The following BMP6 variants were observed in gnomAD, a reference collection of about 807,000 sequenced individuals.
The protein encoded by BMP6 is VG-1-R.
In BMP6, 17 loss-of-function variants were observed where a neutral mutation model predicts 54.1. The ratio of observed to expected loss-of-function variants is 0.31; its 90% CI spans 0.22 to 0.47. The LOEUF is 0.47. BMP6 is among the 20% of genes least tolerant of loss of function. The pLI is 1.00. For synonymous variants in BMP6, 328 were observed against 291.2 expected, an observed-to-expected ratio of 1.13 and a Z score of -1.28; for missense variants, 720 against 690.4, an observed-to-expected ratio of 1.04 and a Z score of -0.48.
intron 1 of BMP6, among the ~76,000 whole-genome samples, chr6:7,742,357 A>C (rs12214906): frequency 0.4 from 60,546 of 152,098 alleles, 13,051 homozygotes; most frequent in Non-Finnish European, 0.49. Flanking sequence ...TCGAGCTTTC[A>C]TGCATGCAAG....
chr6:7,752,683 G>T (rs1385431501), intron 1 of BMP6, among the ~76,000 whole-genome samples: 1 of 151,964 alleles, frequency 6.6e-6, no homozygotes, highest in Non-Finnish European at 1.5e-5. Flanking sequence ...AGCTTTCTGG[G>T]ATGGGAGGTG....
intron 1 of BMP6, among the ~76,000 whole-genome samples, chr6:7,740,830 A>G (rs183243820): frequency 2.4e-4 from 37 of 152,092 alleles, no homozygotes; most frequent in Non-Finnish European, 1.6e-4. Flanking sequence ...TTTTCCATCT[A>G]TCCCTAAGTT....
intron 4 of BMP6, among the ~76,000 whole-genome samples, chr6:7,875,241 CTCTG>C: frequency 6.6e-6 from 1 of 152,290 alleles, no homozygotes; most frequent in South Asian, 2.1e-4. Flanking sequence ...TTTGCCCTTC[CTCTG>C]TCTTTTTGTT....
chr6:7,752,848 T>A (rs1757447623), intron 1 of BMP6, among the ~76,000 whole-genome samples: 1 of 152,140 alleles, frequency 6.6e-6, no homozygotes, highest in Admixed American at 6.5e-5. Flanking sequence ...TGCTCATGTG[T>A]TTTCCCCCTT....
Position 7,880,459 on chromosome 6 carries a change from A to C in BMP6, c.*116A>C. On this transcript the variant is annotated 3_prime_UTR_variant, in exon 7 of 7. Transcript: ENST00000283147. ...GACGATGAGACTTTGAAACTATCTC[A>C]TGCCAGTGCCTTATTACCCAGGAAG... 6 of 1,365,562 alleles carry C rather than the reference A, an allele frequency of 4.4e-6. No individual in the cohort carries two copies. Among genetic ancestry groups the C allele is most frequent in the Non-Finnish European group, 6.1e-6 (6 of 988,028 alleles). 84.6% of individuals were successfully genotyped at this position (1,365,562 alleles called of 1,614,324 possible). A position where few individuals can be genotyped will look rare whatever the true frequency, so the allele number is the denominator to read the frequency against.
At chr6:7,758,682 G>A (rs1257573462) in intron 1 of BMP6, among the ~76,000 whole-genome samples, 1 of 152,192 alleles carries the variant, frequency 6.6e-6, no homozygotes, top group Non-Finnish European at 1.5e-5. Flanking sequence ...ATAGAAGGCG[G>A]CTTGCCAAGC....
At chr6:7,780,859 CCCTA>C (rs1358511658) in intron 1 of BMP6, among the ~76,000 whole-genome samples, 1 of 151,796 alleles carries the variant, frequency 6.6e-6, no homozygotes, top group Non-Finnish European at 1.5e-5. Flanking sequence ...TACAGGCACC[CCCTA>C]CCACACCTGG....
At chr6:7,838,814 C>T (rs527889167) in intron 1 of BMP6, among the ~76,000 whole-genome samples, 52 of 151,986 alleles carry the variant, frequency 3.4e-4, no homozygotes, top group African/African-American at 1.1e-3. Flanking sequence ...TGGTGGCAGG[C>T]GCCTGGAGTC....
At chr6:7,810,129 T>A (rs1404175299) in intron 1 of BMP6, among the ~76,000 whole-genome samples, 3 of 152,232 alleles carry the variant, frequency 2.0e-5, no homozygotes, top group South Asian at 2.1e-4. Context: ...GAAAATTTTT[T>A]AAAGTCATAT....
chr6:7,732,313 T>G (rs1220248326), intron 1 of BMP6, among the ~76,000 whole-genome samples: 1 of 152,192 alleles, frequency 6.6e-6, no homozygotes, highest in East Asian at 1.9e-4. Context: ...AATTTGAAAT[T>G]CAGTGGCATT....
At chr6:7,770,018 T>C (rs1449444644) in intron 1 of BMP6, among the ~76,000 whole-genome samples, 1 of 152,174 alleles carries the variant, frequency 6.6e-6, no homozygotes, top group East Asian at 1.9e-4. Flanking sequence ...TCAGATGAGG[T>C]TGCCTATGTC....
intron 4 of BMP6, among the ~76,000 whole-genome samples, chr6:7,867,354 A>G (rs988685534): frequency 6.6e-6 from 1 of 152,246 alleles, no homozygotes; most frequent in African/African-American, 2.4e-5. Flanking sequence ...CTTTCAGCGT[A>G]AATTAACCAG....
At chr6:7,781,335 C>CATCAGAGG (rs1457748881) in intron 1 of BMP6, among the ~76,000 whole-genome samples, 2 of 151,708 alleles carry the variant, frequency 1.3e-5, no homozygotes, top group Admixed American at 6.6e-5. Flanking sequence ...CTCGTTCATA[C>CATCAGAGG]GTACCATGCC....
At chr6:7,747,417 T>C (rs1002470315) in intron 1 of BMP6, among the ~76,000 whole-genome samples, 4 of 152,122 alleles carry the variant, frequency 2.6e-5, no homozygotes, top group Non-Finnish European at 4.4e-5. Context: ...ATGAGCACCT[T>C]TGAAGATGGA....
At chr6:7,852,431 A>G (rs1458038226) in intron 2 of BMP6, among the ~76,000 whole-genome samples, 1 of 152,218 alleles carries the variant, frequency 6.6e-6, no homozygotes, top group African/African-American at 2.4e-5. Context: ...TTAAAAAATT[A>G]GCCAGGCTGG....
intron 1 of BMP6, among the ~76,000 whole-genome samples, chr6:7,834,778 C>A (rs1434729300): frequency 6.6e-6 from 1 of 152,176 alleles, no homozygotes; most frequent in Non-Finnish European, 1.5e-5. Context: ...GAAGATATTA[C>A]CTAAATCTAG....
intron 1 of BMP6, among the ~76,000 whole-genome samples, chr6:7,768,728 CTT>C (rs1446665874): frequency 6.6e-6 from 1 of 152,216 alleles, no homozygotes; most frequent in Non-Finnish European, 1.5e-5. Flanking sequence ...AGGTGTTCCT[CTT>C]TATTTCAACA....
intron 4 of BMP6, among the ~76,000 whole-genome samples, chr6:7,865,225 T>C (rs73719349): frequency 0.011 from 1,645 of 152,344 alleles, 27 homozygotes; most frequent in African/African-American, 0.037. Flanking sequence ...ATATTCAAGT[T>C]GATCTAATTA....
chr6:7,829,703 C>G (rs952908522), intron 1 of BMP6, among the ~76,000 whole-genome samples: 6 of 152,134 alleles, frequency 3.9e-5, no homozygotes, highest in African/African-American at 1.4e-4. Flanking sequence ...GAGACACTGT[C>G]TCAAATAAAA....
Sources: gnomAD v4.1 joint callset for allele counts (sites outside exome capture counted in the v4.1 genomes callset) on GRCh38, gnomAD v4.1.1 for gene constraint, MANE v1.5 for transcripts, NCBI Gene and HGNC (gene_info 2026-07-23, HGNC 2026-07-21) for gene names.